Variants in RCL1 observed in about 807,000 individuals in gnomAD.
RCL1 encodes RNA 3'-terminal phosphate cyclase-like protein.
Under a neutral mutation model 42.4 loss-of-function variants are expected in RCL1, and 24 were observed. The observed-to-expected ratio is 0.57, with a 90% CI of 0.41 to 0.80. RCL1 has a LOEUF of 0.80. Ranked by LOEUF, RCL1 falls within the 30% of genes least tolerant of loss-of-function variation. The pLI is 0.00. For synonymous variants in RCL1, 228 were observed against 177.3 expected (o/e 1.29, Z -2.27); for missense variants, 578 against 467.9 (o/e 1.24, Z -2.17).
At chr9:4,821,434 C>T (rs1414456229) in intron 1 of RCL1, among the ~76,000 whole-genome samples, 1 of 152,116 alleles carries the variant, frequency 6.6e-6, no homozygotes, top group Middle Eastern at 3.2e-3. Context: ...TGTAAAATGG[C>T]ATCTTAATCC....
At position 4,817,613 on chromosome 9, in the gene RCL1, C is replaced by G. The variant is rs186588072; in HGVS notation, c.137-5935C>G. Among the ~76,000 whole-genome samples, 36 of 152,020 alleles carry G rather than the reference C, an allele frequency of 2.4e-4. 1 individual carries two copies. The highest frequency in any genetic ancestry group is 7.5e-4 in the African/African-American group (31 of 41,462). ...CTCAGCTCTACCTCAACCCTGCCCC[C>G]CTGAGTAGCTGGGACTGGGGCTACT... is the stretch of plus-strand genomic sequence containing the variant. On this transcript the variant is annotated intron_variant, in intron 1 of 8. Coordinates refer to ENST00000381750, the MANE Select transcript of RCL1 (RefSeq NM_005772.5).
chr9:4,801,359 A>G (rs780846064), intron 1 of RCL1, among the ~76,000 whole-genome samples: 14 of 152,076 alleles, frequency 9.2e-5, no homozygotes, highest in Non-Finnish European at 1.8e-4. Flanking sequence ...TTTTGTAGAG[A>G]TGGAGTCTCG....
chr9:4,839,793 C>T, intron 5 of RCL1: 1 of 966,646 alleles, frequency 1.0e-6, no homozygotes, highest in Non-Finnish European at 1.2e-6. Flanking sequence ...AAGCCCTTGC[C>T]CTTATAGAGT....
At position 4,808,578 on chromosome 9, in the gene RCL1, G is replaced by T. The variant is rs571771281; in HGVS notation, c.137-14970G>T. On this transcript the variant is annotated intron_variant, in intron 1 of 8. Transcript: ENST00000381750. ...CCTGCCTCGGCCTCCCAGTGTGCTG[G>T]GATTATAGGCGTGAACCACTGTCTA... is the stretch of plus-strand genomic sequence containing the variant. 2.0e-5 allele frequency among the ~76,000 whole-genome samples: 3 copies of T among 152,254 alleles called. No individual in the cohort carries two copies. In the East Asian group the frequency reaches 5.8e-4, roughly 29 times the overall value.
intron 7 of RCL1, among the ~76,000 whole-genome samples, chr9:4,849,124 A>G (rs1042858570): frequency 6.6e-6 from 1 of 151,240 alleles, no homozygotes; most frequent in South Asian, 2.1e-4. Context: ...CTCAATAAAG[A>G]TGATGTCCTC....
chr9:4,837,708 A>G (rs1410479086), intron 5 of RCL1, among the ~76,000 whole-genome samples: 2 of 152,154 alleles, frequency 1.3e-5, no homozygotes, highest in Non-Finnish European at 2.9e-5. Flanking sequence ...ATAAAAGTTA[A>G]AAGAGCTGTA....
At chr9:4,852,152 A>T (rs1817776212) in intron 8 of RCL1, among the ~76,000 whole-genome samples, 1 of 152,152 alleles carries the variant, frequency 6.6e-6, no homozygotes, top group Non-Finnish European at 1.5e-5. Flanking sequence ...AAGTGCTGGG[A>T]TTGCAGGCCT....
intron 7 of RCL1, 78 bp downstream of exon 7, chr9:4,844,759 C>A: frequency 6.8e-7 from 1 of 1,460,184 alleles, no homozygotes. Flanking sequence ...TGGCAGCTTT[C>A]GTCCTCTTCC....
At chr9:4,852,874 C>G (rs180890812) in intron 8 of RCL1, among the ~76,000 whole-genome samples, 1 of 151,826 alleles carries the variant, frequency 6.6e-6, no homozygotes, top group Non-Finnish European at 1.5e-5. Flanking sequence ...GCCTAGTAAA[C>G]TTGCTTTGGG....
intron 1 of RCL1, among the ~76,000 whole-genome samples, chr9:4,798,526 C>G (rs1362544868): frequency 1.3e-5 from 2 of 152,192 alleles, no homozygotes; most frequent in Admixed American, 6.5e-5. Flanking sequence ...AAAAGAAGAG[C>G]TAAGTGGAGT....
intron 1 of RCL1, among the ~76,000 whole-genome samples, chr9:4,822,175 G>GT (rs1288165142): frequency 6.6e-6 from 1 of 152,232 alleles, no homozygotes; most frequent in African/African-American, 2.4e-5. Flanking sequence ...ACAGTGTTAT[G>GT]TAACAGACTA....
chr9:4,835,458 A>G (rs1563847759), intron 5 of RCL1, among the ~76,000 whole-genome samples: 1 of 152,082 alleles, frequency 6.6e-6, no homozygotes, highest in Non-Finnish European at 1.5e-5. Flanking sequence ...CCAAGGGACT[A>G]ATTCTGGGTT....
chr9:4,814,856 A>G (rs1816316086), intron 1 of RCL1, among the ~76,000 whole-genome samples: 2 of 150,716 alleles, frequency 1.3e-5, no homozygotes, highest in Non-Finnish European at 3.0e-5. Flanking sequence ...GAAAGACTTC[A>G]TTTCTGAAGG....
chr9:4,807,600 A>G (rs1166766439), intron 1 of RCL1, among the ~76,000 whole-genome samples: 2 of 152,044 alleles, frequency 1.3e-5, no homozygotes, highest in African/African-American at 2.4e-5. Flanking sequence ...GCTCACCACA[A>G]CCTTCGCCTC....
chr9:4,805,820 C>T (rs1202369195), intron 1 of RCL1, among the ~76,000 whole-genome samples: 1 of 152,164 alleles, frequency 6.6e-6, no homozygotes, highest in Non-Finnish European at 1.5e-5. Context: ...AGCAGCTGTG[C>T]TTGCCTTGTC....
At chr9:4,858,300 T>C (rs1712657098) in intron 8 of RCL1, among the ~76,000 whole-genome samples, 1 of 152,182 alleles carries the variant, frequency 6.6e-6, no homozygotes, top group Non-Finnish European at 1.5e-5. Flanking sequence ...ATCCTGTAGG[T>C]TGTTTTTTTA....
chr9:4,850,409 T>G (rs2129711799), intron 8 of RCL1: 1 of 507,444 alleles, frequency 2.0e-6, no homozygotes. Context: ...AGGACTGCGG[T>G]GGGGCTATGC....
chr9:4,824,045 CAA>C (rs1816680572), intron 2 of RCL1, among the ~76,000 whole-genome samples: 2 of 152,138 alleles, frequency 1.3e-5, no homozygotes, highest in Non-Finnish European at 2.9e-5. Flanking sequence ...AAAATTTCAG[CAA>C]AGTCTCTCCT....
chr9:4,824,703 G>C (rs994187295), intron 2 of RCL1, among the ~76,000 whole-genome samples: 2 of 152,052 alleles, frequency 1.3e-5, no homozygotes, highest in Non-Finnish European at 2.9e-5. Context: ...GCAAGCTTGG[G>C]TTCATATGTG....
Sources: gnomAD v4.1 joint callset for allele counts (sites outside exome capture counted in the v4.1 genomes callset) on GRCh38, gnomAD v4.1.1 for gene constraint, MANE v1.5 for transcripts, NCBI Gene and HGNC (gene_info 2026-07-23, HGNC 2026-07-21) for gene names.